Variants in IL1RAPL2 observed in about 807,000 individuals in gnomAD.
The protein encoded by IL1RAPL2 is interleukin 1 receptor accessory protein like 2, also known as X-linked interleukin-1 receptor accessory protein-like 2.
A neutral mutation model predicts 44.1 loss-of-function variants in IL1RAPL2; 3 were observed. The ratio of observed to expected loss-of-function variants is 0.07; its 90% CI spans 0.03 to 0.18. IL1RAPL2 has a LOEUF of 0.18. IL1RAPL2 is among the 10% of genes least tolerant of loss of function. The probability of loss-of-function intolerance (pLI) is 1.00; values close to 1 mark genes in which losing one functional copy is unlikely to be tolerated. For synonymous variants in IL1RAPL2, 181 were observed against 178.8 expected, an observed-to-expected ratio of 1.01 and a Z score of -0.10; for missense variants, 391 against 496.4, an observed-to-expected ratio of 0.79 and a Z score of 2.02.
chrX:104,995,176 C>A (rs2030726583), intron 2 of IL1RAPL2, among the ~76,000 whole-genome samples: 1 of 111,350 alleles, frequency 9.0e-6, no homozygotes, highest in African/African-American at 3.3e-5. Flanking sequence ...TATTTGCTTA[C>A]CTACTCTTTG....
At chrX:105,030,285 A>G (rs1307900554) in intron 2 of IL1RAPL2, among the ~76,000 whole-genome samples, 2 of 110,808 alleles carry the variant, frequency 1.8e-5, no homozygotes, top group Non-Finnish European at 3.8e-5. Context: ...TTTTGTTGCC[A>G]TTGCTTTTGG....
At chrX:104,684,669 C>T (rs5917121) in intron 2 of IL1RAPL2, among the ~76,000 whole-genome samples, 39,967 of 111,277 alleles carry the variant, frequency 0.36, 5,644 homozygotes, top group Non-Finnish European at 0.45. Context: ...TGAAAACCTG[C>T]AGGAGAAGAT....
intron 6 of IL1RAPL2, among the ~76,000 whole-genome samples, chrX:105,570,113 C>T (rs2037003953): frequency 9.0e-6 from 1 of 111,273 alleles, no homozygotes; most frequent in African/African-American, 3.3e-5. Context: ...TTTTATCCCT[C>T]GCTCCTCTCC....
intron 2 of IL1RAPL2, among the ~76,000 whole-genome samples, chrX:105,067,483 A>AAG (rs2032152022): frequency 8.1e-5 from 9 of 111,444 alleles, no homozygotes; most frequent in Non-Finnish European, 1.5e-4. Flanking sequence ...CTTATTTAAC[A>AAG]AGTACTATTT....
chrX:105,213,593 A>G (rs1425244625), intron 3 of IL1RAPL2, among the ~76,000 whole-genome samples: 4 of 111,103 alleles, frequency 3.6e-5, no homozygotes, highest in African/African-American at 6.5e-5. Context: ...ACCTAGCAAG[A>G]CAGGCCAACA....
intron 2 of IL1RAPL2, among the ~76,000 whole-genome samples, chrX:104,661,576 A>G (rs1194947747): frequency 1.8e-5 from 2 of 109,625 alleles, no homozygotes; most frequent in African/African-American, 6.6e-5. Flanking sequence ...AGCCACCCCC[A>G]TCATAACCCC....
chrX:104,876,767 T>C (rs1922912668), intron 2 of IL1RAPL2, among the ~76,000 whole-genome samples: 1 of 105,888 alleles, frequency 9.4e-6, no homozygotes, highest in South Asian at 4.3e-4. Flanking sequence ...TTAGGGTACA[T>C]GTGCACAATG....
At chrX:104,897,871 C>A (rs1402926319) in intron 2 of IL1RAPL2, among the ~76,000 whole-genome samples, 1 of 111,470 alleles carries the variant, frequency 9.0e-6, no homozygotes, top group Non-Finnish European at 1.9e-5. Flanking sequence ...TAAAGGAGAA[C>A]CTTTTGTAAA....
At chrX:104,915,490 CA>C (rs1924391802) in intron 2 of IL1RAPL2, among the ~76,000 whole-genome samples, 1 of 111,217 alleles carries the variant, frequency 9.0e-6, no homozygotes, top group South Asian at 3.8e-4. Context: ...GAGTAGATTG[CA>C]AAAATTTTTT....
chrX:105,644,476 C>T (rs1166170756), intron 6 of IL1RAPL2, among the ~76,000 whole-genome samples: 1 of 111,232 alleles, frequency 9.0e-6, no homozygotes, highest in Non-Finnish European at 1.9e-5. Flanking sequence ...ATCGTTTCTG[C>T]TAAATTTTCT....
intron 9 of IL1RAPL2, among the ~76,000 whole-genome samples, chrX:105,750,230 T>G (rs1472521639): frequency 2.8e-5 from 3 of 107,916 alleles, no homozygotes; most frequent in Admixed American, 1.0e-4. Flanking sequence ...TTCTTTTTTT[T>G]TTGTTAACTG....
At chrX:104,778,476 C>T (rs925512241) in intron 2 of IL1RAPL2, among the ~76,000 whole-genome samples, 50 of 108,207 alleles carry the variant, frequency 4.6e-4, no homozygotes, top group Non-Finnish European at 9.5e-5. Flanking sequence ...AGGAGGATCG[C>T]TTGAGTCTGG....
chrX:104,699,551 C>T (rs1348128265), intron 2 of IL1RAPL2, among the ~76,000 whole-genome samples: 2 of 111,627 alleles, frequency 1.8e-5, no homozygotes, highest in East Asian at 2.8e-4. Flanking sequence ...CTCGCTTGCC[C>T]GCCACTCACC....
intron 2 of IL1RAPL2, among the ~76,000 whole-genome samples, chrX:105,036,974 A>G (rs2031641164): frequency 8.9e-6 from 1 of 112,105 alleles, no homozygotes; most frequent in Admixed American, 9.5e-5. Context: ...ATCTTAGCTG[A>G]CAAGTTAACT....
chrX:104,763,632 G>A (rs918659636), intron 2 of IL1RAPL2, among the ~76,000 whole-genome samples: 1 of 111,737 alleles, frequency 8.9e-6, no homozygotes, highest in African/African-American at 3.3e-5. Flanking sequence ...TTACAAACAT[G>A]GTAGAAGAGG....
At chrX:105,726,176 C>T (rs1461979285) in intron 7 of IL1RAPL2, among the ~76,000 whole-genome samples, 2 of 111,633 alleles carry the variant, frequency 1.8e-5, no homozygotes, top group Non-Finnish European at 3.8e-5. Flanking sequence ...AATAATAATT[C>T]CAGTTCATCC....
chrX:105,219,675 T>C, intron 3 of IL1RAPL2: 1 of 1,210,280 alleles, frequency 8.3e-7, no homozygotes, highest in South Asian at 1.8e-5. Context: ...CCTCCTCAGC[T>C]GCTCCTTCTG....
chrX:105,478,312 C>T (rs1476316167), intron 5 of IL1RAPL2, among the ~76,000 whole-genome samples: 1 of 110,964 alleles, frequency 9.0e-6, no homozygotes, highest in African/African-American at 3.3e-5. Flanking sequence ...AAACATCCAA[C>T]AATGCATGGG....
chrX:104,851,710 C>T (rs1002134865), intron 2 of IL1RAPL2, among the ~76,000 whole-genome samples: 1 of 111,370 alleles, frequency 9.0e-6, no homozygotes. Flanking sequence ...AACAGAATAC[C>T]TGAGACTGGG....
Sources: gnomAD v4.1 joint callset for allele counts (sites outside exome capture counted in the v4.1 genomes callset) on GRCh38, gnomAD v4.1.1 for gene constraint, MANE v1.5 for transcripts, NCBI Gene and HGNC (gene_info 2026-07-23, HGNC 2026-07-21) for gene names.